Variants in ADGRF4 observed in about 807,000 individuals in gnomAD.
The protein encoded by ADGRF4 is adhesion G protein-coupled receptor F4.
ADGRF4 carries 63 observed loss-of-function variants against 58.5 expected under a neutral mutation model. The observed-to-expected ratio is 1.08, with a 90% CI of 0.88 to 1.33. The LOEUF (loss-of-function observed/expected upper bound fraction) is 1.33, where lower values mean the gene tolerates loss of function less well. ADGRF4 is among the 40% of genes most tolerant of loss of function. ADGRF4 has a pLI of 0.00. For synonymous variants in ADGRF4, 313 were observed against 295.4 expected, an observed-to-expected ratio of 1.06 and a Z score of -0.61; for missense variants, 931 against 843.9, an observed-to-expected ratio of 1.10 and a Z score of -1.28.
chr6:47,714,040 C>G lies in ADGRF4; in HGVS notation c.795C>G (p.Thr265=). Residue 265 remains threonine (T), a synonymous_variant, in exon 6 of 10, where the codon ACC becomes ACG. Transcript: ENST00000283303. ...ATTTCTCCATGAGCATGAACAATAC[C>G]ACAGAAGATATCTTAGGAATGGTAC... ...SLNFSMSMNN[T]TEDILGMVQI... is the part of the protein sequence containing the mutation. The G allele has an allele frequency of 1.2e-6, 2 of 1,612,822 alleles. No individual in the cohort carries two copies. The highest frequency in any genetic ancestry group is 1.7e-6 in the Non-Finnish European group (2 of 1,179,542).
rs1003711615 is a variant in ADGRF4, at chr6:47,711,277, T to C, written c.300+391T>C. On this transcript the variant is annotated intron_variant, in intron 4 of 9. Transcript: ENST00000283303. ...ATTTATTTTGATATCTCTTTTTTTGTTTTTGAAATGGAGTCTTGCTCTGCC... is the reference window on the plus strand; with the variant it reads ...ATTTATTTTGATATCTCTTTTTTTGCTTTTGAAATGGAGTCTTGCTCTGCC... Among the ~76,000 whole-genome samples, 7 of 152,302 alleles carry C rather than the reference T, an allele frequency of 4.6e-5. No homozygotes were observed. In the South Asian group the frequency reaches 8.3e-4, roughly 18 times the overall value.
Position 47,714,989 on chromosome 6 carries a change from G to A in ADGRF4, c.1744G>A (p.Val582Ile), listed in dbSNP as rs751135675. 3 of 1,613,442 alleles carry A rather than the reference G, an allele frequency of 1.9e-6. No individual in the cohort carries two copies. The highest frequency in any genetic ancestry group is 4.5e-5 in the East Asian group (2 of 44,850). Residue 582 changes from valine (V) to isoleucine (I), a missense_variant, in exon 6 of 10, where the codon GTC (valine) becomes ATC (isoleucine). Physicochemically the swap from Val to Ile is conservative, Grantham distance 29. Transcript: ENST00000283303. ...TCTGATTGTGGTTTTGGTTGTTGCTGTCAACACTCAGAGGCCCTCTATTGG... is the reference window on the plus strand; with the variant it reads ...TCTGATTGTGGTTTTGGTTGTTGCTATCAACACTCAGAGGCCCTCTATTGG... ...VNLIVVLVVA[V>I]NTQRPSIGSS...
Position 47,717,296 on chromosome 6 carries a change from G to A in ADGRF4, c.1979G>A (p.Arg660Lys). The A allele has an allele frequency of 6.2e-7, 1 of 1,607,946 alleles. No individual in the cohort carries two copies. Among genetic ancestry groups the A allele is most frequent in the Non-Finnish European group, 8.5e-7 (1 of 1,174,370 alleles). ...LFGTIMDHKI[R>K]DALRMRMSSL... ...TCATTGTCATTGCTTCTTTAGATAAGAGATGCTTTGAGGATGAGGATGTCT... is the reference window on the plus strand; with the variant it reads ...TCATTGTCATTGCTTCTTTAGATAAAAGATGCTTTGAGGATGAGGATGTCT... The change falls in exon 8 of 10, where the codon AGA becomes AAA. Residue 660 changes from arginine to lysine, a missense_variant. Coordinates refer to ENST00000283303, the MANE Select transcript of ADGRF4 (RefSeq NM_153838.5).
In ADGRF4 at chr6:47,716,890, G is replaced by T. The variant is rs756414109; in HGVS notation, c.1974+43G>T. 14 of 1,361,712 alleles carry T rather than the reference G, an allele frequency of 1.0e-5. No homozygotes were observed. In the African/African-American group the frequency reaches 1.4e-4, roughly 14 times the overall value. 84.4% of individuals were successfully genotyped at this position (1,361,712 alleles called of 1,614,324 possible). A position where few individuals can be genotyped will look rare whatever the true frequency, so the allele number is the denominator to read the frequency against. ...CCTCCTTATAAATGGTTTTCATGTGGCTGGGGGAAGCAGGAGGATGAAGCA... is the reference window on the plus strand; with the variant it reads ...CCTCCTTATAAATGGTTTTCATGTGTCTGGGGGAAGCAGGAGGATGAAGCA... On this transcript the variant is annotated intron_variant, in intron 7 of 9. Transcript: ENST00000283303.
rs116575459 is a variant in ADGRF4, at chr6:47,717,339, G to A, written c.2022G>A (p.Ser674=). The part of the protein sequence containing the change: ...RMRMSSLKGK[S]RAAENASLGP... ...GGATGTCTTCACTGAAGGGGAAATC[G>A]AGGGCAGCTGAGGTAAGCCTTCCCC... is the stretch of plus-strand genomic sequence containing the variant. The change falls in exon 8 of 10, where the codon TCG becomes TCA. Residue 674 remains serine, a synonymous_variant. Coordinates refer to ENST00000283303, the MANE Select transcript of ADGRF4 (RefSeq NM_153838.5). 4 of 1,610,104 alleles carry A rather than the reference G, an allele frequency of 2.5e-6. No individual in the cohort carries two copies. Among genetic ancestry groups the A allele is most frequent in the Non-Finnish European group, 3.4e-6 (4 of 1,176,328 alleles).
chr6:47,704,053 C>CTT (rs530820131), intron 1 of ADGRF4, among the ~76,000 whole-genome samples: 4 of 145,924 alleles, frequency 2.7e-5, no homozygotes, highest in African/African-American at 1.0e-4. Context: ...AGGTGCTATT[C>CTT]TTTTTTTTTT....
intron 6 of ADGRF4, among the ~76,000 whole-genome samples, chr6:47,716,490 G>C (rs560533619): frequency 1.3e-5 from 2 of 152,174 alleles, no homozygotes; most frequent in Non-Finnish European, 2.9e-5. Flanking sequence ...GTCATCACGA[G>C]TAGAAACAGC....
At chr6:47,700,843 A>G (rs1771573054) in intron 1 of ADGRF4, among the ~76,000 whole-genome samples, 1 of 152,202 alleles carries the variant, frequency 6.6e-6, no homozygotes, top group East Asian at 1.9e-4. Flanking sequence ...ATCATTTCCC[A>G]ATTCATTCAC....
At chr6:47,719,889 A>T (rs1340973840) in intron 9 of ADGRF4, among the ~76,000 whole-genome samples, 1 of 152,230 alleles carries the variant, frequency 6.6e-6, no homozygotes, top group Non-Finnish European at 1.5e-5. Flanking sequence ...TCTCTGAAGA[A>T]GTCTTCATCA....
chr6:47,714,334 G>T lies in ADGRF4; in HGVS notation c.1089G>T (p.Ala363=), dbSNP rs140474813. ...HSKKRRWDEK[A]CQMMLDIRNE... Reference sequence around the variant, plus strand: ...AGAAAAGGAGATGGGATGAGAAAGCGTGCCAAATGATGTTGGATATCAGGA... The same window carrying T: ...AGAAAAGGAGATGGGATGAGAAAGCTTGCCAAATGATGTTGGATATCAGGA... Residue 363 remains alanine (A), a synonymous_variant, in exon 6 of 10, where the codon GCG becomes GCT. Transcript: ENST00000283303. 6.2e-7 allele frequency: 1 copy of T among 1,614,180 alleles called. No homozygotes were observed. Among genetic ancestry groups the T allele is most frequent in the South Asian group, 1.1e-5 (1 of 91,086 alleles).
chr6:47,714,295 T>G lies in ADGRF4; in HGVS notation c.1050T>G (p.Val350=), dbSNP rs149554698. 1 of 1,614,044 alleles carries G rather than the reference T, an allele frequency of 6.2e-7. No individual in the cohort carries two copies. Among genetic ancestry groups the G allele is most frequent in the Non-Finnish European group, 8.5e-7 (1 of 1,180,032 alleles). ...CCCGCAATGCCAGAGCCCAGTGTGT[T>G]GGCTGGCACTCCAAGAAAAGGAGAT... ...NKTRNARAQC[V]GWHSKKRRWD... is the part of the protein sequence containing the mutation. The change falls in exon 6 of 10, where the codon GTT becomes GTG. Residue 350 remains valine (V), a synonymous_variant. Transcript: ENST00000283303.
intron 6 of ADGRF4, chr6:47,715,389 T>C: frequency 2.0e-6 from 1 of 504,314 alleles, no homozygotes; most frequent in Non-Finnish European, 3.5e-6. Flanking sequence ...CTTTCCTCAC[T>C]GATGCACCTG....
Position 47,718,301 on chromosome 6 carries a change from C to T in ADGRF4, c.2035-88C>T, listed in dbSNP as rs1218950717. ...GTGTGGGTACTCCTTTTCATGTATT[C>T]ATTTTCACATATTTATCTCTAGAGA... is the stretch of plus-strand genomic sequence containing the variant. On this transcript the variant is annotated intron_variant, in intron 8 of 9. Coordinates refer to ENST00000283303, the MANE Select transcript of ADGRF4 (RefSeq NM_153838.5). 1.4e-5 allele frequency: 11 copies of T among 790,956 alleles called. No homozygotes were observed. In the East Asian group the frequency reaches 2.7e-4, roughly 19 times the overall value. 49.0% of individuals were successfully genotyped at this position (790,956 alleles called of 1,614,324 possible). A position where few individuals can be genotyped will look rare whatever the true frequency, so the allele number is the denominator to read the frequency against.
At chr6:47,717,814 C>T (rs1772060841) in intron 8 of ADGRF4, among the ~76,000 whole-genome samples, 1 of 152,180 alleles carries the variant, frequency 6.6e-6, no homozygotes, top group African/African-American at 2.4e-5. Flanking sequence ...TTCCATTCTC[C>T]TTATTTGAGA....
chr6:47,711,545 G>A (rs1771872383), intron 4 of ADGRF4, among the ~76,000 whole-genome samples: 1 of 152,258 alleles, frequency 6.6e-6, no homozygotes, highest in Admixed American at 6.5e-5. Context: ...ACAGGCGTAA[G>A]CCACCGCGCC....
chr6:47,713,262 A>G (rs551847731), intron 5 of ADGRF4, among the ~76,000 whole-genome samples: 3 of 40,450 alleles, frequency 7.4e-5, no homozygotes, highest in Admixed American at 7.5e-4. Flanking sequence ...GTAGAACATA[A>G]CCATTCTGAG....
At chr6:47,706,748 T>G (rs1322410295) in intron 1 of ADGRF4, among the ~76,000 whole-genome samples, 4 of 152,248 alleles carry the variant, frequency 2.6e-5, no homozygotes, top group Non-Finnish European at 4.4e-5. Context: ...CTCGTGGCTC[T>G]ACCACTTTTT....
chr6:47,715,158 C>T lies in ADGRF4; in HGVS notation c.1913C>T (p.Ala638Val), dbSNP rs1268623952. 1.0e-5 allele frequency: 16 copies of T among 1,587,616 alleles called. No individual in the cohort carries two copies. The highest frequency in any genetic ancestry group is 1.4e-5 in the Non-Finnish European group (16 of 1,159,598). ...TCCTTGACGTTCCATATAATTTTTGCCTTGCTCAATGCTTTCCAGGTAAGT... is the reference window on the plus strand; with the variant it reads ...TCCTTGACGTTCCATATAATTTTTGTCTTGCTCAATGCTTTCCAGGTAAGT... The part of the protein sequence containing the change: ...GTSLTFHIIF[A>V]LLNAFQGFFI... Residue 638 changes from alanine to valine, a missense_variant, in exon 6 of 10, where the codon GCC becomes GTC. Transcript: ENST00000283303.
In ADGRF4 at chr6:47,700,211, A is replaced by ATT. The variant is rs1342139832; in HGVS notation, c.-17+1417_-17+1418insTT. Among the ~76,000 whole-genome samples, 48 of 152,324 alleles carry ATT rather than the reference A, an allele frequency of 3.2e-4. 1 individual carries two copies. The East Asian group carries it at 8.1e-3, about 26-fold the overall frequency. The stretch of plus-strand genomic sequence containing the variant: ...TGCATGAACAGGTTTGCGAGATCAC[A>ATT]CCTTCTGATGCATTCCTTCCTGACT... On this transcript the variant is annotated intron_variant, in intron 1 of 9. Coordinates refer to ENST00000283303, the MANE Select transcript of ADGRF4 (RefSeq NM_153838.5).
Sources: gnomAD v4.1 joint callset for allele counts (sites outside exome capture counted in the v4.1 genomes callset) on GRCh38, gnomAD v4.1.1 for gene constraint, MANE v1.5 for transcripts, NCBI Gene and HGNC (gene_info 2026-07-23, HGNC 2026-07-21) for gene names.